The following SLC26A5 variants were observed in gnomAD, a reference collection of about 807,000 sequenced individuals.
The protein encoded by SLC26A5 is prestin.
SLC26A5 carries 51 observed loss-of-function variants against 81.0 expected under a neutral mutation model. The ratio of observed to expected loss-of-function variants is 0.63; its 90% CI spans 0.50 to 0.80. The LOEUF is 0.80. SLC26A5 is among the 30% of genes least tolerant of loss of function. The pLI is 0.00. For synonymous variants in SLC26A5, 325 were observed against 332.8 expected, an observed-to-expected ratio of 0.98 and a Z score of 0.25; for missense variants, 771 against 905.8, an observed-to-expected ratio of 0.85 and a Z score of 1.91.
chr7:103,433,541 A>G (rs1000775527), intron 2 of SLC26A5: 3 of 152,128 alleles, frequency 2.0e-5, no homozygotes, highest in African/African-American at 7.2e-5. Flanking sequence ...AGTTGTAAAT[A>G]CCACTGCACT....
chr7:103,373,788 A>C (rs1445286316), downstream of SLC26A5, among the ~76,000 whole-genome samples: 1 of 152,066 alleles, frequency 6.6e-6, no homozygotes, highest in Non-Finnish European at 1.5e-5. Context: ...TTAAAAATGT[A>C]AATGTATATG....
intron 9 of SLC26A5, among the ~76,000 whole-genome samples, chr7:103,396,866 G>A (rs1028123532): frequency 3.9e-5 from 6 of 152,044 alleles, no homozygotes; most frequent in East Asian, 1.9e-4. Context: ...AAGCTGAGGC[G>A]GGCGGATCAC....
intron 4 of SLC26A5, among the ~76,000 whole-genome samples, chr7:103,419,488 C>T (rs1038169672): frequency 2.0e-5 from 3 of 152,012 alleles, no homozygotes; most frequent in African/African-American, 2.4e-5. Flanking sequence ...TGCATTTTCT[C>T]TCATTCTTGA....
At chr7:103,385,956 C>G (rs183264493) in intron 14 of SLC26A5, among the ~76,000 whole-genome samples, 1 of 150,876 alleles carries the variant, frequency 6.6e-6, no homozygotes, top group East Asian at 1.9e-4. Flanking sequence ...GAGATAGGCT[C>G]TCACTCTTTC....
chr7:103,355,949 C>A (rs1658642407), intron 19 of SLC26A5, among the ~76,000 whole-genome samples: 1 of 151,998 alleles, frequency 6.6e-6, no homozygotes, highest in African/African-American at 2.4e-5. Flanking sequence ...AATTTTATGC[C>A]TTAAACAATT....
At chr7:103,410,610 C>T in intron 6 of SLC26A5, 61 bp from the exon 7 acceptor site, 1 of 1,448,988 alleles carries the variant, frequency 6.9e-7, no homozygotes, top group Non-Finnish European at 9.5e-7. Flanking sequence ...AAGTTATGAC[C>T]CACAGCAAAT....
downstream of SLC26A5, chr7:103,374,199 C>T (rs1457603492): frequency 7.3e-7 from 1 of 1,370,924 alleles, no homozygotes; most frequent in Non-Finnish European, 9.4e-7. Context: ...ATGCAGGCAA[C>T]AGGCCAATTT....
Position 103,376,825 on chromosome 7 carries a change from T to C in SLC26A5, c.2024A>G (p.Tyr675Cys). The change falls in exon 19 of 20, where the codon TAC becomes TGC. Residue 675 changes from tyrosine to cysteine, a missense_variant. Physicochemically the swap from Tyr to Cys is radical, Grantham distance 194. Transcript: ENST00000306312. ...ATACTCACCACTGCATCCTGCTAAG[T>C]ATACATATATACCGACGTCTCCATA... is the stretch of plus-strand genomic sequence containing the variant. ...KEYGDVGIYV[Y>C]LAGCSAQVVN... 1 of 1,604,838 alleles carries C rather than the reference T, an allele frequency of 6.2e-7. No homozygotes were observed. The highest frequency in any genetic ancestry group is 8.5e-7 in the Non-Finnish European group (1 of 1,171,936).
At chr7:103,434,851 C>T (rs2079470) in intron 2 of SLC26A5, 46,636 of 152,022 alleles carry the variant, frequency 0.31, 8,268 homozygotes, top group East Asian at 0.62. Context: ...GGGGTTTCAC[C>T]GTTTTGGCCA....
Position 103,367,603 on chromosome 7 carries a change from G to A in SLC26A5, c.2041+9205C>T. On this transcript the variant is annotated intron_variant, in intron 19 of 19. Transcript: ENST00000339444. This position sits in a 1 kb window ranked among gnomAD's most constrained non-coding sequence, Gnocchi z 6.1. ...TGGATAGAAAAATTGAATTTAGCTT[G>A]CCCGATCTAGAGGTAAGAAAACCAT... The A allele has an allele frequency of 6.2e-7, 1 of 1,614,076 alleles. No homozygotes were observed. Among genetic ancestry groups the A allele is most frequent in the Non-Finnish European group, 8.5e-7 (1 of 1,180,006 alleles).
At chr7:103,390,348 TA>T in intron 12 of SLC26A5, 80 bp downstream of exon 12, 1 of 1,256,944 alleles carries the variant, frequency 8.0e-7, no homozygotes, top group South Asian at 1.2e-5. Context: ...AACCCTAATA[TA>T]GCCATAAGAA....
chr7:103,413,557 C>T (rs1015545412), intron 4 of SLC26A5, among the ~76,000 whole-genome samples: 17 of 152,022 alleles, frequency 1.1e-4, no homozygotes, highest in Non-Finnish European at 1.9e-4. Flanking sequence ...ATCCCTCCTC[C>T]GACTCTTATC....
chr7:103,403,742 A>C (rs1823796833), intron 8 of SLC26A5, among the ~76,000 whole-genome samples: 2 of 135,156 alleles, frequency 1.5e-5, no homozygotes, highest in African/African-American at 2.9e-5. Context: ...ATCTTCCTCC[A>C]TCCCTTTATT....
intron 4 of SLC26A5, among the ~76,000 whole-genome samples, chr7:103,413,762 G>A (rs142696527): frequency 9.9e-5 from 15 of 152,218 alleles, no homozygotes; most frequent in African/African-American, 3.4e-4. Context: ...CTCACTCTGC[G>A]GTCCTAGGCA....
At position 103,389,321 on chromosome 7, in the gene SLC26A5, T is replaced by C. The variant is rs1822454793; in HGVS notation, c.1407+8A>G. 2 of 1,591,922 alleles carry C rather than the reference T, an allele frequency of 1.3e-6. No homozygotes were observed. Among genetic ancestry groups the C allele is most frequent in the South Asian group, 2.2e-5 (2 of 90,650 alleles). On this transcript the variant is annotated splice_region_variant and intron_variant, in intron 13 of 19. Transcript: ENST00000306312. ...CATATTAACAGAGCCATCACCTTTG[T>C]TACTTACCAGCTCTATTTTGCTGGT...
At chr7:103,433,689 AT>A (rs11365054) in intron 2 of SLC26A5, 43,910 of 144,156 alleles carry the variant, frequency 0.3, 7,730 homozygotes, top group East Asian at 0.61. Flanking sequence ...ATTTGTATTA[AT>A]TTTTTTTTCT....
In SLC26A5 at chr7:103,364,981, A is replaced by ATATATATATATATATATATT. The variant is rs950613120; in HGVS notation, c.2041+11826_2041+11827insAATATATATATATATATATA. 8.3e-4 allele frequency among the ~76,000 whole-genome samples: 117 copies of ATATATATATATATATATATT among 140,768 alleles called. 1 individual carries two copies. The highest frequency in any genetic ancestry group is 1.1e-3 in the Non-Finnish European group (74 of 64,670). The allele number at this position is 140,768 out of a possible 152,430, so 92.3% of individuals were successfully genotyped here. A position where few individuals can be genotyped will look rare whatever the true frequency, so the allele number is the denominator to read the frequency against. Reference sequence around the variant, plus strand: ...TACATATATATATATATATATATATATATTTAGAGAATAAGTCTAGGGCTA... The same window carrying ATATATATATATATATATATT: ...TACATATATATATATATATATATATATATATATATATATATATATTTATTTAGAGAATAAGTCTAGGGCTA... On this transcript the variant is annotated intron_variant, in intron 19 of 19. Transcript: ENST00000339444.
At chr7:103,370,471 C>T (rs530678143), downstream of SLC26A5, among the ~76,000 whole-genome samples, 6 of 151,602 alleles carry the variant, frequency 4.0e-5, no homozygotes, top group Admixed American at 2.6e-4. Context: ...TCTTCATCCA[C>T]GCAAGAGAGC....
At chr7:103,389,487 C>T (rs1001133852) in intron 12 of SLC26A5, 63 bp from the exon 13 acceptor site, 20 of 1,172,828 alleles carry the variant, frequency 1.7e-5, no homozygotes, top group Middle Eastern at 2.0e-4. Flanking sequence ...TTTGCTGGTT[C>T]CTCACTGTCC....
Sources: allele counts gnomAD v4.1 joint callset (sites outside exome capture counted in the v4.1 genomes callset), GRCh38; gene constraint gnomAD v4.1.1; non-coding constraint Gnocchi (gnomAD v3.1); transcripts MANE v1.5; gene names NCBI Gene and HGNC (gene_info 2026-07-23, HGNC 2026-07-21).